Variants in TASP1 observed in about 807,000 individuals in gnomAD.
TASP1 encodes threonine aspartase 1.
Under a neutral mutation model 56.6 loss-of-function variants are expected in TASP1, and 16 were observed. The observed-to-expected ratio is 0.28, with a 90% CI of 0.19 to 0.43. TASP1 has a LOEUF of 0.43. TASP1 is among the 20% of genes least tolerant of loss of function. TASP1 has a pLI of 1.00. For synonymous variants in TASP1, 179 were observed against 184.2 expected (o/e 0.97, Z 0.23); for missense variants, 393 against 511.6 (o/e 0.77, Z 2.24).
the TASP1 span, chr20:13,270,452 T>G: frequency 6.4e-7 from 1 of 1,556,648 alleles, no homozygotes; most frequent in Non-Finnish European, 8.7e-7. Flanking sequence ...AAGGGTGACA[T>G]TTTTTAATCA....
intron 11 of TASP1, among the ~76,000 whole-genome samples, chr20:13,471,242 T>G (rs1482988735): frequency 6.6e-6 from 1 of 152,290 alleles, no homozygotes; most frequent in South Asian, 2.1e-4. Flanking sequence ...AGATCTGGCC[T>G]TTTAGCTGAA....
the TASP1 span, among the ~76,000 whole-genome samples, chr20:13,240,531 G>A: frequency 6.6e-6 from 1 of 152,190 alleles, no homozygotes; most frequent in Non-Finnish European, 1.5e-5. Context: ...AAAAGAGACT[G>A]GAGAACAGTG....
the TASP1 span, among the ~76,000 whole-genome samples, chr20:13,340,486 TTGC>T: frequency 6.9e-6 from 1 of 145,946 alleles, no homozygotes; most frequent in East Asian, 2.0e-4. Context: ...TCAAGTGTGT[TTGC>T]TTTTTTTTTT....
chr20:13,159,979 T>C, the TASP1 span: 8 of 1,522,142 alleles, frequency 5.3e-6, no homozygotes, highest in Non-Finnish European at 6.2e-6. Context: ...ACTTTTTTTT[T>C]TTCTTTTTTT....
At chr20:13,592,890 C>A (rs1441677284) in intron 4 of TASP1, among the ~76,000 whole-genome samples, 1 of 152,110 alleles carries the variant, frequency 6.6e-6, no homozygotes, top group Non-Finnish European at 1.5e-5. Context: ...CTTGAATATA[C>A]ATGCAAAAAT....
chr20:13,263,966 T>C, the TASP1 span, among the ~76,000 whole-genome samples: 1 of 152,258 alleles, frequency 6.6e-6, no homozygotes, highest in East Asian at 1.9e-4. Context: ...CCTAGGGTTT[T>C]TTTGTTTTTC....
chr20:13,588,442 TA>T (rs1020299317), intron 4 of TASP1, among the ~76,000 whole-genome samples: 17 of 151,030 alleles, frequency 1.1e-4, no homozygotes, highest in African/African-American at 2.9e-4. Context: ...AAGAATCCAC[TA>T]AAAAAAAATT....
chr20:13,199,594 A>G, the TASP1 span, among the ~76,000 whole-genome samples: 52,436 of 152,076 alleles, frequency 0.34, 10,321 homozygotes, highest in African/African-American at 0.54. Flanking sequence ...GCGGTACAAG[A>G]GAGATTCCCA....
chr20:13,411,303 C>A (rs1031843566), intron 13 of TASP1, among the ~76,000 whole-genome samples: 2 of 152,090 alleles, frequency 1.3e-5, no homozygotes, highest in African/African-American at 4.8e-5. Flanking sequence ...TATTTGGGCT[C>A]TTTTGGGGTT....
At chr20:13,527,372 T>C (rs1601128314) in intron 10 of TASP1, among the ~76,000 whole-genome samples, 1 of 152,112 alleles carries the variant, frequency 6.6e-6, no homozygotes, top group South Asian at 2.1e-4. Context: ...GAAGCCATAT[T>C]TGTCCACTCT....
chr20:13,107,156 G>A, the TASP1 span, among the ~76,000 whole-genome samples: 4 of 152,172 alleles, frequency 2.6e-5, no homozygotes, highest in Admixed American at 6.5e-5. Context: ...GCATACAAAC[G>A]TCTGGGCCCT....
chr20:13,346,288 T>A, the TASP1 span, among the ~76,000 whole-genome samples: 1 of 152,038 alleles, frequency 6.6e-6, no homozygotes, highest in African/African-American at 2.4e-5. Context: ...AATCCAAGTA[T>A]CTCCTCCTCC....
At chr20:13,242,679 G>C in the TASP1 span, among the ~76,000 whole-genome samples, 1 of 152,180 alleles carries the variant, frequency 6.6e-6, no homozygotes, top group Non-Finnish European at 1.5e-5. Context: ...TCATTGGCAT[G>C]ATGGCTTCTA....
the TASP1 span, among the ~76,000 whole-genome samples, chr20:13,125,108 G>A: frequency 3.3e-5 from 5 of 152,152 alleles, no homozygotes; most frequent in African/African-American, 9.7e-5. Context: ...CTGTATAGGT[G>A]GGCTGATGGA....
chr20:13,431,918 G>A (rs1378744237), intron 12 of TASP1, among the ~76,000 whole-genome samples: 2 of 152,190 alleles, frequency 1.3e-5, no homozygotes, highest in African/African-American at 2.4e-5. Context: ...GATAGTCCCC[G>A]CCAGCAAGAA....
the TASP1 span, among the ~76,000 whole-genome samples, chr20:13,247,746 G>A: frequency 6.6e-6 from 1 of 152,152 alleles, no homozygotes; most frequent in Non-Finnish European, 1.5e-5. Flanking sequence ...ACCTGACCAC[G>A]ACAGGAAGTG....
chr20:13,367,274 G>A, the TASP1 span, among the ~76,000 whole-genome samples: 1 of 152,186 alleles, frequency 6.6e-6, no homozygotes, highest in East Asian at 1.9e-4. Context: ...CTTGGGCTTT[G>A]TGTGTTTCTT....
chr20:13,478,295 G>C (rs1337799215), intron 11 of TASP1, among the ~76,000 whole-genome samples: 1 of 151,444 alleles, frequency 6.6e-6, no homozygotes, highest in Non-Finnish European at 1.5e-5. Context: ...CAATAGCAAA[G>C]ACATGGAATC....
At chr20:13,572,600 C>T (rs1018905752) in intron 6 of TASP1, among the ~76,000 whole-genome samples, 3 of 145,644 alleles carry the variant, frequency 2.1e-5, no homozygotes, top group African/African-American at 2.5e-5. Flanking sequence ...GCAGGAGAAC[C>T]GCTTGAACTC....
Sources: gnomAD v4.1 joint callset for allele counts (sites outside exome capture counted in the v4.1 genomes callset) on GRCh38, gnomAD v4.1.1 for gene constraint, MANE v1.5 for transcripts, NCBI Gene and HGNC (gene_info 2026-07-23, HGNC 2026-07-21) for gene names.